The following CFAP46 variants were observed in gnomAD, a reference collection of about 807,000 sequenced individuals.
CFAP46 encodes cilia and flagella associated protein 46, also known as cilia- and flagella-associated protein 46.
CFAP46 carries 245 observed loss-of-function variants against 325.7 expected under a neutral mutation model. That is an observed-to-expected ratio of 0.75 (90% confidence interval 0.68 to 0.84). The LOEUF is 0.84. Among genes scored for constraint, CFAP46 ranks in the 40% least tolerant of loss-of-function variants. The probability of loss-of-function intolerance (pLI) is 0.00; values close to 1 mark genes in which losing one functional copy is unlikely to be tolerated. For missense variants in CFAP46, 3,346 were observed against 3,543.0 expected, an observed-to-expected ratio of 0.94 and a Z score of 1.41; for synonymous variants, 1,523 against 1,495.9, an observed-to-expected ratio of 1.02 and a Z score of -0.42.
At chr10:132,841,248 C>T (rs1027097415) in intron 44 of CFAP46, among the ~76,000 whole-genome samples, 8 of 152,250 alleles carry the variant, frequency 5.3e-5, no homozygotes, top group Admixed American at 2.6e-4. Context: ...CGACATACAG[C>T]GGTGGGACCG....
rs1849645073 is a variant in CFAP46 at position 132,916,696 on chromosome 10, A to G, written c.1987-14T>C. 4.1e-6 allele frequency: 6 copies of G among 1,451,682 alleles called. No individual in the cohort carries two copies. Among genetic ancestry groups the G allele is most frequent in the African/African-American group, 1.5e-5 (1 of 68,868 alleles). The allele number at this position is 1,451,682 out of a possible 1,614,324, so 89.9% of individuals were successfully genotyped here. A position where few individuals can be genotyped will look rare whatever the true frequency, so the allele number is the denominator to read the frequency against. On this transcript the variant is annotated splice_polypyrimidine_tract_variant and intron_variant, in intron 16 of 57. Coordinates refer to ENST00000368586, the MANE Select transcript of CFAP46 (RefSeq NM_001200049.3). ...ATGAACCGTGGCCTGCAAAACACAC[A>G]TGCGGTGGGAGGGGTCATGGGCGGA...
At chr10:132,835,497 C>G in intron 46 of CFAP46, 63 bp from the exon 47 acceptor site, 2 of 1,594,430 alleles carry the variant, frequency 1.3e-6, no homozygotes, top group African/African-American at 2.7e-5. Context: ...CTGGACCGTG[C>G]ATGGTGAGCA....
intron 24 of CFAP46, among the ~76,000 whole-genome samples, chr10:132,894,406 C>T (rs1025082315): frequency 2.0e-5 from 3 of 152,052 alleles, no homozygotes; most frequent in Non-Finnish European, 4.4e-5. Context: ...AAAGAAGGAT[C>T]TCAACTCAAT....
chr10:132,812,633 G>A, intron 55 of CFAP46, 152 bp downstream of exon 55: 1 of 605,756 alleles, frequency 1.7e-6, no homozygotes, highest in Non-Finnish European at 2.9e-6. Flanking sequence ...GCAGACAGGA[G>A]GGGCCTGCAG....
chr10:132,899,583 C>A lies in CFAP46; in HGVS notation c.3008G>T (p.Arg1003Leu), dbSNP rs763564892. The A allele has an allele frequency of 3.2e-6, 5 of 1,549,838 alleles. No homozygotes were observed. The South Asian group carries it at 6.0e-5, about 18-fold the overall frequency. Residue 1003 changes from arginine to leucine, a missense_variant, in exon 23 of 58, where the codon CGG (arginine) becomes CTG (leucine). Transcript: ENST00000368586. ...GGCTGCCACCAGTCGCAGCTGCTTC[C>A]GGCCCTTCAGGTTTTCCATGATGCT... is the stretch of plus-strand genomic sequence containing the variant. ...GRSIMENLKG[R>L]KQLRLVAAKA...
Position 132,899,658 on chromosome 10 carries a change from G to C in CFAP46, c.2933C>G (p.Ser978Cys), listed in dbSNP as rs1393993381. The C allele has an allele frequency of 4.5e-6, 7 of 1,549,298 alleles. No homozygotes were observed. Among genetic ancestry groups the C allele is most frequent in the Admixed American group, 3.9e-5 (2 of 50,862 alleles). The change falls in exon 23 of 58, where the codon TCC becomes TGC. Residue 978 changes from serine to cysteine, a missense_variant. Transcript: ENST00000368586. The stretch of plus-strand genomic sequence containing the variant: ...GCACAGCATCTCTGCCACCAGCCGG[G>C]ACTCCTCGCTGCAGGAACAGGGCCA... ...KYLKKFGPEE[S>C]RLVAEMLCTA...
At chr10:132,821,990 CGCT>C (rs1347209822) in intron 50 of CFAP46, among the ~76,000 whole-genome samples, 1 of 96,342 alleles carries the variant, frequency 1.0e-5, no homozygotes, top group African/African-American at 4.5e-5. Context: ...GCTGTGTGTG[CGCT>C]TGTGTGTGCT....
At position 132,832,410 on chromosome 10, in the gene CFAP46, G is replaced by A. The variant is rs1848164770; in HGVS notation, c.7117+948C>T. The stretch of plus-strand genomic sequence containing the variant: ...CCTGCCCCCCCCCCCCAATGCTGTG[G>A]CCTGGAAATTCCCCAGAGAGTAAGA... On this transcript the variant is annotated intron_variant, in intron 50 of 57. Transcript: ENST00000368586. This position sits in a 1 kb window ranked among gnomAD's most constrained non-coding sequence, Gnocchi z 4.1. Among the ~76,000 whole-genome samples, 1 of 137,054 alleles carries A rather than the reference G, an allele frequency of 7.3e-6. No homozygotes were observed. The highest frequency in any genetic ancestry group is 1.5e-5 in the Non-Finnish European group (1 of 64,772). 89.9% of individuals were successfully genotyped at this position (137,054 alleles called of 152,430 possible).
chr10:132,826,416 G>A (rs367671510), intron 50 of CFAP46, among the ~76,000 whole-genome samples: 16,072 of 89,678 alleles, frequency 0.18, 7 homozygotes, highest in Admixed American at 0.27. Context: ...CCAGGCAGGA[G>A]CCAGAGCCAC....
Position 132,920,231 on chromosome 10 carries a change from CG to C in CFAP46, c.1607-50del. On this transcript the variant is annotated intron_variant, in intron 13 of 57. Coordinates refer to ENST00000368586, the MANE Select transcript of CFAP46 (RefSeq NM_001200049.3). ...GGTGTTGCAGCTGCTGGCCAAGGGC[CG>C]GGGACGTGCCCATCAGTAACCAATG... The C allele has an allele frequency of 2.7e-6, 4 of 1,483,196 alleles. No homozygotes were observed. The East Asian group carries it at 7.7e-5, about 28-fold the overall frequency. The allele number at this position is 1,483,196 out of a possible 1,614,324, so 91.9% of individuals were successfully genotyped here. A position where few individuals can be genotyped will look rare whatever the true frequency, so the allele number is the denominator to read the frequency against.
At chr10:132,822,718 C>G (rs1170557409) in intron 50 of CFAP46, among the ~76,000 whole-genome samples, 6 of 113,262 alleles carry the variant, frequency 5.3e-5, no homozygotes, top group African/African-American at 1.1e-4. Context: ...CTGATGTGTG[C>G]TGATGTGTGC....
chr10:132,909,093 C>T lies in CFAP46; in HGVS notation c.2757+44G>A, dbSNP rs1375036978. The T allele has an allele frequency of 1.4e-5, 20 of 1,420,850 alleles. No homozygotes were observed. The African/African-American group carries it at 1.8e-4, about 13-fold the overall frequency. The allele number at this position is 1,420,850 out of a possible 1,614,324, so 88.0% of individuals were successfully genotyped here. A position where few individuals can be genotyped will look rare whatever the true frequency, so the allele number is the denominator to read the frequency against. On this transcript the variant is annotated intron_variant, in intron 21 of 57. Transcript: ENST00000368586. Reference sequence around the variant, plus strand: ...CCTAGGGCAAGAGCCTCGGCGTCCTCGCCTCTTGGCCCCTGGCCTCCCGGG... The same window carrying T: ...CCTAGGGCAAGAGCCTCGGCGTCCTTGCCTCTTGGCCCCTGGCCTCCCGGG...
chr10:132,864,699 C>T (rs1181182492), intron 35 of CFAP46, among the ~76,000 whole-genome samples: 1 of 52,078 alleles, frequency 1.9e-5, no homozygotes, highest in Non-Finnish European at 3.3e-5. Context: ...ACCTGTCCCC[C>T]TGCCTGAGAC....
At chr10:132,821,769 G>A (rs1847840115) in intron 50 of CFAP46, among the ~76,000 whole-genome samples, 2 of 139,434 alleles carry the variant, frequency 1.4e-5, no homozygotes, top group Admixed American at 7.0e-5. Context: ...TGTGTGCTGT[G>A]TGCTGTGTGA....
intron 38 of CFAP46, among the ~76,000 whole-genome samples, chr10:132,858,677 T>C (rs1848682164): frequency 6.6e-6 from 1 of 151,948 alleles, no homozygotes; most frequent in African/African-American, 2.4e-5. Context: ...GCTCGGGATG[T>C]GCACGTGTGA....
intron 24 of CFAP46, among the ~76,000 whole-genome samples, chr10:132,892,840 C>A (rs1473235825): frequency 6.6e-6 from 1 of 152,170 alleles, no homozygotes. Flanking sequence ...CACCATTTTG[C>A]TTTTCATTTT....
At chr10:132,868,738 C>T (rs1010023871) in intron 33 of CFAP46, among the ~76,000 whole-genome samples, 6 of 152,166 alleles carry the variant, frequency 3.9e-5, no homozygotes, top group East Asian at 1.9e-4. Context: ...GTATCACTTA[C>T]GTAATTTTAA....
At chr10:132,854,388 G>C (rs1247343837) in intron 39 of CFAP46, among the ~76,000 whole-genome samples, 1 of 152,182 alleles carries the variant, frequency 6.6e-6, no homozygotes, top group East Asian at 1.9e-4. Flanking sequence ...CCAGGCTGGA[G>C]TGCAGTGGCG....
chr10:132,850,179 T>A, intron 41 of CFAP46, 65 bp downstream of exon 41: 1 of 1,486,084 alleles, frequency 6.7e-7, no homozygotes, highest in Non-Finnish European at 9.2e-7. Flanking sequence ...ACACTTCGCT[T>A]GTGTTTTTCA....
Sources: allele counts gnomAD v4.1 joint callset (sites outside exome capture counted in the v4.1 genomes callset), GRCh38; gene constraint gnomAD v4.1.1; non-coding constraint Gnocchi (gnomAD v3.1); transcripts MANE v1.5; gene names NCBI Gene and HGNC (gene_info 2026-07-23, HGNC 2026-07-21).